CWC25: variants seen among roughly 807,000 people sequenced by gnomAD.
The protein encoded by CWC25 is CWC25 spliceosome associated protein.
Under a neutral mutation model 54.6 loss-of-function variants are expected in CWC25, and 31 were observed. The ratio of observed to expected loss-of-function variants is 0.57; its 90% CI spans 0.43 to 0.77. The LOEUF is 0.77. Among genes scored for constraint, CWC25 ranks in the 30% least tolerant of loss-of-function variants. CWC25 has a pLI of 0.00. For missense variants in CWC25, 453 were observed against 529.3 expected, an observed-to-expected ratio of 0.86 and a Z score of 1.41; for synonymous variants, 151 against 187.0, an observed-to-expected ratio of 0.81 and a Z score of 1.57.
At chr17:38,821,447 C>A (rs1420244746) in intron 1 of CWC25, among the ~76,000 whole-genome samples, 1 of 152,140 alleles carries the variant, frequency 6.6e-6, no homozygotes, top group Non-Finnish European at 1.5e-5. Flanking sequence ...GTAGTCCCGG[C>A]TATTCAGCAG....
intron 9 of CWC25, 25 bp downstream of exon 9, chr17:38,802,675 C>T: frequency 6.2e-7 from 1 of 1,612,780 alleles, no homozygotes; most frequent in Non-Finnish European, 8.5e-7. Flanking sequence ...CATGAAAGAC[C>T]CTGGCAGGAA....
intron 2 of CWC25, among the ~76,000 whole-genome samples, chr17:38,816,289 C>T (rs1004235336): frequency 6.6e-6 from 1 of 152,166 alleles, no homozygotes; most frequent in Non-Finnish European, 1.5e-5. Flanking sequence ...CACTCTGTCA[C>T]CCAGGCTGGA....
chr17:38,804,448 T>C (rs563801174), intron 8 of CWC25, among the ~76,000 whole-genome samples: 34 of 152,020 alleles, frequency 2.2e-4, no homozygotes, highest in Admixed American at 5.3e-4. Context: ...GGCAGGTGGA[T>C]TGCCTGAGCT....
intron 1 of CWC25, among the ~76,000 whole-genome samples, chr17:38,822,552 G>A (rs1164968234): frequency 1.3e-5 from 2 of 151,976 alleles, no homozygotes; most frequent in Non-Finnish European, 2.9e-5. Context: ...TACTGCTTTG[G>A]TTCACTTTCC....
chr17:38,805,404 T>C (rs1377148227), intron 8 of CWC25, among the ~76,000 whole-genome samples: 1 of 152,216 alleles, frequency 6.6e-6, no homozygotes, highest in African/African-American at 2.4e-5. Flanking sequence ...CTGAAAGTAG[T>C]TGCCTTTGGG....
chr17:38,823,463 C>T (rs1393353217), intron 1 of CWC25, among the ~76,000 whole-genome samples: 2 of 150,214 alleles, frequency 1.3e-5, no homozygotes, highest in Non-Finnish European at 3.0e-5. Context: ...GGCTGAGACT[C>T]CATCTTAAAA....
At position 38,802,689 on chromosome 17, in the gene CWC25, G is replaced by C; in HGVS notation, c.1163+11C>G. The C allele has an allele frequency of 6.2e-7, 1 of 1,613,772 alleles. No individual in the cohort carries two copies. The highest frequency in any genetic ancestry group is 8.5e-7 in the Non-Finnish European group (1 of 1,179,792). On this transcript the variant is annotated intron_variant, in intron 9 of 9. Transcript: ENST00000614790. The stretch of plus-strand genomic sequence containing the variant: ...CCATGAAAGACCCTGGCAGGAAGAA[G>C]ATGCACTCACTGGATGAACTTCCCA...
chr17:38,807,649 A>T (rs1322257663), intron 6 of CWC25, among the ~76,000 whole-genome samples: 1 of 137,228 alleles, frequency 7.3e-6, no homozygotes, highest in Non-Finnish European at 1.6e-5. Context: ...CCAGCTACTC[A>T]GGAGGTTGAG....
intron 5 of CWC25, 63 bp downstream of exon 5, chr17:38,810,404 TG>T: frequency 6.8e-7 from 1 of 1,471,682 alleles, no homozygotes. Flanking sequence ...TTCATGTCTG[TG>T]GAATGAATGA....
chr17:38,806,680 G>T, intron 7 of CWC25, 85 bp downstream of exon 7: 1 of 1,193,716 alleles, frequency 8.4e-7, no homozygotes, highest in South Asian at 1.6e-5. Flanking sequence ...GTCAATGGAC[G>T]GACATCACCA....
rs1025192048 is a variant in CWC25 at position 38,822,807 on chromosome 17, G to A, written c.19-1734C>T. Among the ~76,000 whole-genome samples, 16 of 151,644 alleles carry A rather than the reference G, an allele frequency of 1.1e-4. No homozygotes were observed. The East Asian group carries it at 2.9e-3, about 28-fold the overall frequency. On this transcript the variant is annotated intron_variant, in intron 1 of 9. Coordinates refer to ENST00000614790, the MANE Select transcript of CWC25 (RefSeq NM_017748.5). Reference sequence around the variant, plus strand: ...AAGGAGCAGAATAAGGGCCTTATAAGCCATGTAAAGGGATTACAGGCATGC... The same window carrying A: ...AAGGAGCAGAATAAGGGCCTTATAAACCATGTAAAGGGATTACAGGCATGC...
At chr17:38,809,646 A>C (rs1598070953) in intron 6 of CWC25, 56 bp downstream of exon 6, 7 of 1,543,086 alleles carry the variant, frequency 4.5e-6, no homozygotes, top group Non-Finnish European at 6.3e-6. Context: ...CACATTGTCC[A>C]AGTGGCACAT....
rs771175666 is a variant in CWC25 at position 38,802,810 on chromosome 17, G to C, written c.1053C>G (p.Asn351Lys). The part of the protein sequence containing the change: ...LERKRQEMME[N>K]AKWREEERLN... Reference sequence around the variant, plus strand: ...GTCTCTCCTCCTCCCTCCATTTGGCGTTTTCCATCATCTCTTGCCGTTTTC... The same window carrying C: ...GTCTCTCCTCCTCCCTCCATTTGGCCTTTTCCATCATCTCTTGCCGTTTTC... Residue 351 changes from asparagine (N) to lysine (K), a missense_variant, in exon 9 of 10, where the codon AAC (asparagine) becomes AAG (lysine). Asn to Lys is a moderately conservative substitution (Grantham distance 94). This residue lies in a region of CWC25 where 444 missense variants were observed against 499.2 expected (regional missense o/e 0.89). Coordinates refer to ENST00000614790, the MANE Select transcript of CWC25 (RefSeq NM_017748.5). 6.2e-7 allele frequency: 1 copy of C among 1,613,962 alleles called. No individual in the cohort carries two copies. Among genetic ancestry groups the C allele is most frequent in the South Asian group, 1.1e-5 (1 of 91,080 alleles).
At chr17:38,818,547 G>A (rs1158395229) in intron 2 of CWC25, among the ~76,000 whole-genome samples, 3 of 126,630 alleles carry the variant, frequency 2.4e-5, no homozygotes, top group South Asian at 2.6e-4. Context: ...AGCCGAGATC[G>A]TGCTGCACTC....
At chr17:38,823,116 G>A (rs1489021220) in intron 1 of CWC25, among the ~76,000 whole-genome samples, 1 of 150,698 alleles carries the variant, frequency 6.6e-6, no homozygotes, top group Non-Finnish European at 1.5e-5. Context: ...AGGATTACAG[G>A]TGTGAGCCAC....
rs766047122 is a variant in CWC25, at chr17:38,802,849, T to C, written c.1014A>G (p.Ala338=). 6.2e-7 allele frequency: 1 copy of C among 1,613,968 alleles called. No individual in the cohort carries two copies. ...CTTGCCGTTTTCGCTCTAATTCCTC[T>C]GCAGAGAGTTTTCTGTTGAGCACAG... is the stretch of plus-strand genomic sequence containing the variant. The part of the protein sequence containing the change: ...HAPGYTRKLS[A]EELERKRQEM... Residue 338 remains alanine, a synonymous_variant, in exon 9 of 10, where the codon GCA becomes GCG. Transcript: ENST00000614790.
chr17:38,817,199 G>A (rs1911735769), intron 2 of CWC25, among the ~76,000 whole-genome samples: 1 of 148,830 alleles, frequency 6.7e-6, no homozygotes, highest in Admixed American at 6.7e-5. Flanking sequence ...AACTAGCCAG[G>A]CGTGGTGGTA....
At chr17:38,821,325 C>T (rs917085496) in intron 1 of CWC25, among the ~76,000 whole-genome samples, 18 of 152,076 alleles carry the variant, frequency 1.2e-4, no homozygotes, top group Non-Finnish European at 1.5e-4. Flanking sequence ...CTTTGGGAGG[C>T]GGAGGCGGGA....
rs1318040485 is a variant in CWC25, at chr17:38,800,607, A to C, written c.*1485T>G. Reference sequence around the variant, plus strand: ...TGCCTGGCATCATAAGTGTTCAAAAACAGAAATCCAAATACATTTTAAGCA... The same window carrying C: ...TGCCTGGCATCATAAGTGTTCAAAACCAGAAATCCAAATACATTTTAAGCA... On this transcript the variant is annotated 3_prime_UTR_variant, in exon 10 of 10. Transcript: ENST00000614790. 1 of 152,216 alleles carries C rather than the reference A, an allele frequency of 6.6e-6. No homozygotes were observed. The highest frequency in any genetic ancestry group is 1.5e-5 in the Non-Finnish European group (1 of 68,020). The allele number at this position is 152,216 out of a possible 1,614,324, so 9.4% of individuals were successfully genotyped here.
Sources: allele counts gnomAD v4.1 joint callset (sites outside exome capture counted in the v4.1 genomes callset), GRCh38; gene constraint gnomAD v4.1.1; regional missense constraint gnomAD v4.1.1; transcripts MANE v1.5; gene names NCBI Gene and HGNC (gene_info 2026-07-23, HGNC 2026-07-21).